Variants in ALX4 observed in about 807,000 individuals in gnomAD.
ALX4 encodes ALX homeobox 4, also known as homeobox protein aristaless-like 4.
ALX4 carries 22 observed loss-of-function variants against 40.6 expected under a neutral mutation model. The ratio of observed to expected loss-of-function variants is 0.54; its 90% CI spans 0.39 to 0.77. The LOEUF (loss-of-function observed/expected upper bound fraction) is 0.77, where lower values mean the gene tolerates loss of function less well. Ranked by LOEUF, ALX4 falls within the 30% of genes least tolerant of loss-of-function variation. ALX4 has a pLI of 0.00. For synonymous variants in ALX4, 266 were observed against 240.5 expected (o/e 1.11, Z -0.98); for missense variants, 556 against 564.8 (o/e 0.98, Z 0.16).
intron 3 of ALX4, among the ~76,000 whole-genome samples, 195 bp from the exon 4 acceptor site, chr11:44,265,378 G>A (rs1016338947): frequency 6.6e-6 from 1 of 152,100 alleles, no homozygotes; most frequent in African/African-American, 2.4e-5. Context: ...TGTTCCCAGG[G>A]CCAGGCTAGC....
rs1956197817 is a variant in ALX4 at position 44,264,012 on chromosome 11, A to G, written c.*842T>C. 6.6e-6 allele frequency: 1 copy of G among 152,336 alleles called. No homozygotes were observed. The highest frequency in any genetic ancestry group is 1.5e-5 in the Non-Finnish European group (1 of 68,180). The allele number at this position is 152,336 out of a possible 1,614,324, so 9.4% of individuals were successfully genotyped here. On this transcript the variant is annotated 3_prime_UTR_variant, in exon 4 of 4. Transcript: ENST00000652299. ...GGAGGACTGCCCGGGCCCACGCCCCACCCGGATGCCTCCCCCTCTCCCAGG... is the reference window on the plus strand; with the variant it reads ...GGAGGACTGCCCGGGCCCACGCCCCGCCCGGATGCCTCCCCCTCTCCCAGG...
Position 44,293,171 on chromosome 11 carries a change from GC to G in ALX4, c.466+16425del, listed in dbSNP as rs1276784240. ...AGGAAGGAAGGAAGGAAGGAAGGAA[GC>G]AGGCAGGCAGGGAGGGAGGGAGGGA... On this transcript the variant is annotated intron_variant, in intron 1 of 3. Transcript: ENST00000652299. Among the ~76,000 whole-genome samples the G allele has an allele frequency of 5.5e-3, 63 of 11,516 alleles. 6 individuals carry two copies. The highest frequency in any genetic ancestry group is 0.015 in the Non-Finnish European group (51 of 3,356). 7.6% of individuals were successfully genotyped at this position (11,516 alleles called of 152,430 possible).
rs978171542 is a variant in ALX4, at chr11:44,267,766, C to T, written c.778-144G>A. 5 of 1,124,444 alleles carry T rather than the reference C, an allele frequency of 4.4e-6. No homozygotes were observed. The South Asian group carries it at 5.1e-5, about 12-fold the overall frequency. 69.7% of individuals were successfully genotyped at this position (1,124,444 alleles called of 1,614,324 possible). ...GGTGCGGCCACACATAAATATCAAC[C>T]TTGGTCTTTGTCCTCAAGAGCTGAC... On this transcript the variant is annotated intron_variant, in intron 2 of 3. Coordinates refer to ENST00000652299, the MANE Select transcript of ALX4 (RefSeq NM_021926.4).
chr11:44,295,197 C>T (rs11822366), intron 1 of ALX4, among the ~76,000 whole-genome samples: 1,814 of 152,280 alleles, frequency 0.012, 36 homozygotes, highest in African/African-American at 0.042. Flanking sequence ...CTATCACTAA[C>T]AGGTAGACAT....
chr11:44,289,172 G>A (rs1304823773), intron 1 of ALX4, among the ~76,000 whole-genome samples: 1 of 152,180 alleles, frequency 6.6e-6, no homozygotes, highest in Non-Finnish European at 1.5e-5. Flanking sequence ...GTCGGAGAAG[G>A]CCTCTGCAAT....
At chr11:44,268,753 C>T (rs4755802) in intron 2 of ALX4, among the ~76,000 whole-genome samples, 78,495 of 151,998 alleles carry the variant, frequency 0.52, 20,903 homozygotes, top group East Asian at 0.8. Flanking sequence ...AGCTTCCAGG[C>T]CAGGAATGGC....
At chr11:44,265,645 C>A (rs978378963) in intron 3 of ALX4, among the ~76,000 whole-genome samples, 1 of 152,166 alleles carries the variant, frequency 6.6e-6, no homozygotes, top group African/African-American at 2.4e-5. Context: ...TGGGCCCCCA[C>A]CAGTAGCAGG....
intron 1 of ALX4, among the ~76,000 whole-genome samples, chr11:44,291,468 G>T (rs533020550): frequency 1.0e-3 from 158 of 151,030 alleles, no homozygotes; most frequent in African/African-American, 3.7e-3. Context: ...AAGTGCAGTG[G>T]TGCGATCTCG....
At chr11:44,287,595 C>CAA (rs201040076) in intron 1 of ALX4, among the ~76,000 whole-genome samples, 4 of 130,650 alleles carry the variant, frequency 3.1e-5, no homozygotes, top group African/African-American at 1.2e-4. Context: ...AGACCTGTCT[C>CAA]AAAAAAAAAA....
In ALX4 at chr11:44,265,003, G is replaced by T; in HGVS notation, c.1087C>A (p.His363Asn). The T allele has an allele frequency of 6.2e-7, 1 of 1,613,098 alleles. No individual in the cohort carries two copies. Among genetic ancestry groups the T allele is most frequent in the Non-Finnish European group, 8.5e-7 (1 of 1,179,944 alleles). ...SGAGSHVGQT[H>N]MGSLFGAASL... is the part of the protein sequence containing the mutation. ...GCTGCTCCAAACAGGCTGCCCATGT[G>T]CGTCTGGCCCACGTGACTGCCAGCC... Residue 363 changes from histidine (H) to asparagine (N), a missense_variant, in exon 4 of 4, where the codon CAC (histidine) becomes AAC (asparagine). Physicochemically the swap from His to Asn is moderately conservative, Grantham distance 68. Transcript: ENST00000652299.
chr11:44,273,170 C>A (rs1956258840), intron 2 of ALX4, among the ~76,000 whole-genome samples: 1 of 143,750 alleles, frequency 7.0e-6, no homozygotes, highest in African/African-American at 2.6e-5. Context: ...GCCCACTGAG[C>A]TGCATGGCGC....
chr11:44,297,504 G>A (rs1056127143), intron 1 of ALX4, among the ~76,000 whole-genome samples: 1 of 151,954 alleles, frequency 6.6e-6, no homozygotes, highest in Non-Finnish European at 1.5e-5. Context: ...GATCACTTGA[G>A]TCTAGGAGTT....
chr11:44,284,783 C>T (rs1956328906), intron 1 of ALX4, among the ~76,000 whole-genome samples: 1 of 152,202 alleles, frequency 6.6e-6, no homozygotes. Context: ...TGGCTAACTA[C>T]TACTTTCACC....
intron 1 of ALX4, among the ~76,000 whole-genome samples, chr11:44,278,670 C>T (rs1956291841): frequency 6.6e-6 from 1 of 152,210 alleles, no homozygotes. Flanking sequence ...GACCACCAGG[C>T]CAAGAGTTGG....
chr11:44,264,775 C>A lies in ALX4; in HGVS notation c.*79G>T. The A allele has an allele frequency of 6.6e-7, 1 of 1,522,460 alleles. No homozygotes were observed. Among genetic ancestry groups the A allele is most frequent in the Non-Finnish European group, 8.9e-7 (1 of 1,118,376 alleles). 94.3% of individuals were successfully genotyped at this position (1,522,460 alleles called of 1,614,324 possible). ...CAGGCCAGGTTCCTAAGAGGAAAGT[C>A]GAGTGGGAGGCTGGGGGCCTGGAAA... is the stretch of plus-strand genomic sequence containing the variant. On this transcript the variant is annotated 3_prime_UTR_variant, in exon 4 of 4. Transcript: ENST00000652299.
intron 3 of ALX4, among the ~76,000 whole-genome samples, chr11:44,266,126 G>T (rs1386692923): frequency 6.6e-6 from 1 of 152,054 alleles, no homozygotes; most frequent in Non-Finnish European, 1.5e-5. Flanking sequence ...ATCCTGGAGG[G>T]AACCGCATTT....
intron 1 of ALX4, among the ~76,000 whole-genome samples, chr11:44,300,536 C>T (rs1956428949): frequency 6.6e-6 from 1 of 152,166 alleles, no homozygotes; most frequent in South Asian, 2.1e-4. Flanking sequence ...AACCCCACCA[C>T]TATCATTTGC....
Position 44,293,156 on chromosome 11 carries a change from GAAGGAAGGAAGGAAGC to G in ALX4, c.466+16425_466+16440del, listed in dbSNP as rs201874916. Reference sequence around the variant, plus strand: ...GGAAGGAAGGAAGGAAGGAAGGAAGGAAGGAAGGAAGGAAGCAGGCAGGCAGGGAGGGAGGGAGGGA... The same window carrying G: ...GGAAGGAAGGAAGGAAGGAAGGAAGGAGGCAGGCAGGGAGGGAGGGAGGGA... On this transcript the variant is annotated intron_variant, in intron 1 of 3. Coordinates refer to ENST00000652299, the MANE Select transcript of ALX4 (RefSeq NM_021926.4). 9.9e-3 allele frequency among the ~76,000 whole-genome samples: 668 copies of G among 67,722 alleles called. 58 individuals carry two copies. Among genetic ancestry groups the G allele is most frequent in the African/African-American group, 0.019 (278 of 14,978 alleles). The allele number at this position is 67,722 out of a possible 152,430, so 44.4% of individuals were successfully genotyped here.
intron 1 of ALX4, among the ~76,000 whole-genome samples, chr11:44,279,092 TC>T (rs1265566978): frequency 6.6e-6 from 1 of 152,154 alleles, no homozygotes; most frequent in Non-Finnish European, 1.5e-5. Flanking sequence ...GCTGTCTATG[TC>T]CACCTCTCGC....
Sources: allele counts gnomAD v4.1 joint callset (sites outside exome capture counted in the v4.1 genomes callset), GRCh38; gene constraint gnomAD v4.1.1; transcripts MANE v1.5; gene names NCBI Gene and HGNC (gene_info 2026-07-23, HGNC 2026-07-21).